The following NOP14 variants were observed in gnomAD, a reference collection of about 807,000 sequenced individuals.
NOP14 encodes nucleolar protein 14.
In NOP14, 57 loss-of-function variants were observed where a neutral mutation model predicts 101.6. The ratio of observed to expected loss-of-function variants is 0.56; its 90% CI spans 0.45 to 0.70. NOP14 has a LOEUF of 0.70. Ranked by LOEUF, NOP14 falls within the 30% of genes least tolerant of loss-of-function variation. The pLI, the probability that NOP14 is intolerant of heterozygous loss-of-function variation, is 0.00. For missense variants in NOP14, 1,134 were observed against 1,075.5 expected (o/e 1.05, Z -0.76); for synonymous variants, 428 against 424.0 (o/e 1.01, Z -0.12).
Position 2,942,273 on chromosome 4 carries a change from GCCA to G in NOP14, c.1967_1969del (p.Val656del). Reference sequence around the variant, plus strand: ...GGAGAGGCTGCTCTGCTGCCACGTGGCCACATCCTCTCTAGCAGACACCACGAG... The same window carrying G: ...GGAGAGGCTGCTCTGCTGCCACGTGGCATCCTCTCTAGCAGACACCACGAG... On this transcript the variant is annotated inframe_deletion, in exon 14 of 18. Transcript: ENST00000416614. The G allele has an allele frequency of 1.9e-6, 3 of 1,614,124 alleles. No individual in the cohort carries two copies. The highest frequency in any genetic ancestry group is 2.5e-6 in the Non-Finnish European group (3 of 1,180,028).
At position 2,963,404 on chromosome 4, in the gene NOP14, A is replaced by T. The variant is rs1716343215; in HGVS notation, c.-85T>A. 7.4e-7 allele frequency: 1 copy of T among 1,356,670 alleles called. No individual in the cohort carries two copies. Among genetic ancestry groups the T allele is most frequent in the Non-Finnish European group, 9.7e-7 (1 of 1,036,266 alleles). 84.0% of individuals were successfully genotyped at this position (1,356,670 alleles called of 1,614,324 possible). On this transcript the variant is annotated 5_prime_UTR_variant, in exon 1 of 18. Transcript: ENST00000416614. ...CCTAAGACACGTGCCGGGCCGCGGA[A>T]CCGCTTCCTCGTCTCGCGAGAACAG...
At chr4:2,950,374 C>T in intron 7 of NOP14, 161 bp from the exon 8 acceptor site, 1 of 700,442 alleles carries the variant, frequency 1.4e-6, no homozygotes, top group South Asian at 1.8e-5. Flanking sequence ...AGGCCTCCTG[C>T]CCACCACCCG....
chr4:2,948,892 G>A (rs993226721), intron 8 of NOP14, among the ~76,000 whole-genome samples: 4 of 152,256 alleles, frequency 2.6e-5, no homozygotes, highest in Non-Finnish European at 4.4e-5. Flanking sequence ...CAGCCATCCT[G>A]ACCTGGGCTG....
rs1163097410 is a variant in NOP14 at position 2,960,659 on chromosome 4, ATAT to A, written c.195+2463_195+2465del. The stretch of plus-strand genomic sequence containing the variant: ...ACTATATTATTAATATAGTTACTAT[ATAT>A]TATTATATTAATATTATATTAATAT... On this transcript the variant is annotated intron_variant, in intron 1 of 17. Coordinates refer to ENST00000416614, the MANE Select transcript of NOP14 (RefSeq NM_001291978.2). 5.5e-5 allele frequency among the ~76,000 whole-genome samples: 8 copies of A among 145,150 alleles called. No individual in the cohort carries two copies. The South Asian group carries it at 1.3e-3, about 23-fold the overall frequency.
Position 2,948,375 on chromosome 4 carries a change from AAC to A in NOP14, c.1314_1315del (p.Leu439ValfsTer49). ...CTGCTCTTCCATCGATCTTCCTAAC[AAC>A]AGAGATCTCAGTTCCTCATAGGATT... On this transcript the variant is annotated frameshift_variant, in exon 9 of 18. Transcript: ENST00000416614. LOFTEE classifies it high-confidence loss of function. The A allele has an allele frequency of 6.2e-7, 1 of 1,612,826 alleles. No individual in the cohort carries two copies. Among genetic ancestry groups the A allele is most frequent in the Non-Finnish European group, 8.5e-7 (1 of 1,179,668 alleles).
chr4:2,956,955 A>G, intron 2 of NOP14, 144 bp from the exon 3 acceptor site: 1 of 669,394 alleles, frequency 1.5e-6, no homozygotes, highest in East Asian at 2.8e-5. Flanking sequence ...TTTTGGGTCA[A>G]CTAAGCAATG....
chr4:2,958,095 G>C (rs974952484), intron 1 of NOP14, among the ~76,000 whole-genome samples: 13 of 152,132 alleles, frequency 8.5e-5, no homozygotes, highest in Admixed American at 7.9e-4. Context: ...GTGGAAATGG[G>C]TTTAGACTCC....
intron 15 of NOP14, chr4:2,940,394 T>A (rs1431174051): frequency 6.6e-6 from 1 of 152,258 alleles, no homozygotes; most frequent in African/African-American, 2.4e-5. Context: ...CTCGTCTCCA[T>A]GGAGACCAAA....
Position 2,951,188 on chromosome 4 carries a change from T to G in NOP14, c.928A>C (p.Lys310Gln). The G allele has an allele frequency of 6.2e-7, 1 of 1,613,810 alleles. No homozygotes were observed. ...KDEDENVKKP[K>Q]HMSADDLNDG... ...TTCAGATCATCTGCTGACATATGTTTTGGTTTCTTAACATTTTCATCCTCA... is the reference window on the plus strand; with the variant it reads ...TTCAGATCATCTGCTGACATATGTTGTGGTTTCTTAACATTTTCATCCTCA... Residue 310 changes from lysine to glutamine, a missense_variant, in exon 7 of 18, where the codon AAA becomes CAA. Coordinates refer to ENST00000416614, the MANE Select transcript of NOP14 (RefSeq NM_001291978.2).
At chr4:2,952,227 G>A (rs752509679) in intron 6 of NOP14, 48 bp downstream of exon 6, 45 of 1,600,742 alleles carry the variant, frequency 2.8e-5, no homozygotes, top group Non-Finnish European at 3.6e-5. Context: ...AGAAGGGGCT[G>A]TGGACGGACA....
At chr4:2,946,751 G>A (rs1271175703) in intron 10 of NOP14, 2 of 566,964 alleles carry the variant, frequency 3.5e-6, no homozygotes, top group Non-Finnish European at 6.3e-6. Context: ...ATGGACTGGA[G>A]GTGGTGGGAG....
At chr4:2,956,565 A>C (rs1199544798) in intron 3 of NOP14, 105 bp downstream of exon 3, 8 of 1,111,078 alleles carry the variant, frequency 7.2e-6, no homozygotes, top group Middle Eastern at 2.3e-4. Flanking sequence ...TAAAACTTTC[A>C]TGCAATAACT....
At chr4:2,960,684 ATAT>A (rs1398547257) in intron 1 of NOP14, among the ~76,000 whole-genome samples, 1 of 118,096 alleles carries the variant, frequency 8.5e-6, no homozygotes. Flanking sequence ...TATTATATTA[ATAT>A]TATAATCACA....
In NOP14 at chr4:2,938,877, T is replaced by C. The variant is rs1224609501; in HGVS notation, c.2528A>G (p.Gln843Arg). ...CTTCAGAGCCTTCCATTCGCCTTCC[T>C]GTGTAGCCAGGCTGTTAAAAAGCTG... is the stretch of plus-strand genomic sequence containing the variant. Reference protein sequence around the residue: ...VKQLFNSLATQEGEWKALKRK... With the variant: ...VKQLFNSLATREGEWKALKRK... The change falls in exon 18 of 18, where the codon CAG becomes CGG. Residue 843 changes from glutamine to arginine, a missense_variant. By Grantham distance (43) the Gln-to-Arg change is conservative. Transcript: ENST00000416614. The C allele has an allele frequency of 6.2e-7, 1 of 1,614,204 alleles. No homozygotes were observed.
At chr4:2,960,822 TTATCAATATATTAATATTATAATC>T (rs1560310978) in intron 1 of NOP14, among the ~76,000 whole-genome samples, 1 of 64,854 alleles carries the variant, frequency 1.5e-5, no homozygotes, top group African/African-American at 8.5e-5. Flanking sequence ...TATAATCACA[TTATCAATATATTAATATTATAATC>T]ACATTATCAA....
chr4:2,952,381 A>G lies in NOP14; in HGVS notation c.764T>C (p.Met255Thr), dbSNP rs1348144901. The G allele has an allele frequency of 6.8e-6, 11 of 1,612,330 alleles. No individual in the cohort carries two copies. Among genetic ancestry groups the G allele is most frequent in the Non-Finnish European group, 8.5e-6 (10 of 1,178,884 alleles). ...KEKPKPDAYD[M>T]MVRELGFEMK... ...TTCAAAGCCAAGCTCGCGAACCATC[A>G]TGTCATATGCATCGGGCTAAGGTAG... Residue 255 changes from methionine to threonine, a missense_variant, in exon 6 of 18, where the codon ATG (methionine) becomes ACG (threonine). Transcript: ENST00000416614.
At chr4:2,953,868 G>C (rs1053273696) in intron 4 of NOP14, among the ~76,000 whole-genome samples, 2 of 152,178 alleles carry the variant, frequency 1.3e-5, no homozygotes, top group African/African-American at 4.8e-5. Flanking sequence ...TAGATGCTCT[G>C]AGCAGTTCAC....
At chr4:2,959,292 T>C (rs552649617) in intron 1 of NOP14, among the ~76,000 whole-genome samples, 1 of 152,338 alleles carries the variant, frequency 6.6e-6, no homozygotes, top group South Asian at 2.1e-4. Flanking sequence ...TAAACAATGT[T>C]TGTTAAAAAC....
chr4:2,939,496 G>A (rs1352898076), intron 16 of NOP14, 31 bp downstream of exon 16: 1 of 1,605,666 alleles, frequency 6.2e-7, no homozygotes, highest in African/African-American at 1.3e-5. Flanking sequence ...CCACAGCCCT[G>A]GCCTCCCAGG....
Sources: gnomAD v4.1 joint callset for allele counts (sites outside exome capture counted in the v4.1 genomes callset) on GRCh38, gnomAD v4.1.1 for gene constraint, MANE v1.5 for transcripts, NCBI Gene and HGNC (gene_info 2026-07-23, HGNC 2026-07-21) for gene names.